ATP6AP2: variants seen among roughly 807,000 people sequenced by gnomAD.
ATP6AP2 encodes ATPase H+ transporting accessory protein 2.
In ATP6AP2, 1 loss-of-function variant was observed where a neutral mutation model predicts 23.4. That is an observed-to-expected ratio of 0.04 (90% CI 0.02 to 0.20). ATP6AP2 has a LOEUF of 0.20. ATP6AP2 is among the 10% of genes least tolerant of loss of function. The pLI, the probability that ATP6AP2 is intolerant of heterozygous loss-of-function variation, is 1.00. For missense variants in ATP6AP2, 174 were observed against 271.3 expected (o/e 0.64, Z 2.52); for synonymous variants, 90 against 97.1 (o/e 0.93, Z 0.43).
In ATP6AP2 at chrX:40,597,629, T is replaced by C; in HGVS notation, c.499T>C (p.Ser167Pro). 1 of 1,209,173 alleles carries C rather than the reference T, an allele frequency of 8.3e-7. No individual in the cohort carries two copies. The highest frequency in any genetic ancestry group is 1.1e-6 in the Non-Finnish European group (1 of 893,028). ...RLFQENSVLSSLPLNSLSRNN... is the reference protein window; with the variant it reads ...RLFQENSVLSPLPLNSLSRNN... ...GTTTCAAGAAAACTCTGTTCTCAGTTCACTCCCCCTCAATTCTCTGAGTAG... is the reference window on the plus strand; with the variant it reads ...GTTTCAAGAAAACTCTGTTCTCAGTCCACTCCCCCTCAATTCTCTGAGTAG... The change falls in exon 5 of 9, where the codon TCA (serine) becomes CCA (proline). Residue 167 changes from serine to proline, a missense_variant. By Grantham distance (74) the Ser-to-Pro change is moderately conservative. Transcript: ENST00000636580.
At chrX:40,601,741 G>T (rs1926912120) in intron 8 of ATP6AP2, among the ~76,000 whole-genome samples, 1 of 111,843 alleles carries the variant, frequency 8.9e-6, no homozygotes, top group Non-Finnish European at 1.9e-5. Flanking sequence ...CTCCGCTTCA[G>T]ACCCATTTGC....
chrX:40,584,527 C>T (rs1422220449), intron 1 of ATP6AP2, among the ~76,000 whole-genome samples: 1 of 110,797 alleles, frequency 9.0e-6, no homozygotes, highest in Admixed American at 9.6e-5. Context: ...GTTGCCCAGG[C>T]TGGAATGCAA....
Position 40,606,124 on chromosome X carries a change from C to A in ATP6AP2, c.*369C>A. On this transcript the variant is annotated 3_prime_UTR_variant, in exon 9 of 9. Transcript: ENST00000636580. ...AGACAAACTTACGAATGCTTAACTT[C>A]TTTACACAGCATAGGTGAAAATCAT... 2 of 187,753 alleles carry A rather than the reference C, an allele frequency of 1.1e-5. No individual in the cohort carries two copies. The highest frequency in any genetic ancestry group is 1.0e-4 in the South Asian group (1 of 9,692). 15.5% of individuals were successfully genotyped at this position (187,753 alleles called of 1,213,427 possible). A position where few individuals can be genotyped will look rare whatever the true frequency, so the allele number is the denominator to read the frequency against.
chrX:40,596,813 T>A (rs1426046935), intron 3 of ATP6AP2: 1 of 122,136 alleles, frequency 8.2e-6, no homozygotes, highest in African/African-American at 3.2e-5. Context: ...AATTTTGAAA[T>A]GAAAGATGAA....
intron 2 of ATP6AP2, 176 bp downstream of exon 2, chrX:40,589,292 G>A: frequency 1.9e-6 from 1 of 528,925 alleles, no homozygotes; most frequent in Non-Finnish European, 2.9e-6. Context: ...CGGCACTCTG[G>A]GAGGCCGAGG....
intron 2 of ATP6AP2, 158 bp downstream of exon 2, chrX:40,589,274 T>G: frequency 1.6e-6 from 1 of 633,301 alleles, no homozygotes. Flanking sequence ...GGCTCACGCC[T>G]GTAATCCCGG....
At chrX:40,605,513 A>G (rs1927051176) in intron 8 of ATP6AP2, 48 bp from the exon 9 acceptor site, 4 of 1,052,401 alleles carry the variant, frequency 3.8e-6, no homozygotes, top group Admixed American at 2.2e-5. Context: ...ATAATTTCCT[A>G]TTTTAAAATT....
intron 3 of ATP6AP2, among the ~76,000 whole-genome samples, chrX:40,596,255 G>A (rs990705427): frequency 2.7e-5 from 3 of 111,291 alleles, no homozygotes; most frequent in African/African-American, 9.8e-5. Flanking sequence ...TCATATTAGC[G>A]TTACTTTGCT....
At chrX:40,590,654 C>G (rs909986150) in intron 2 of ATP6AP2, 1 of 114,616 alleles carries the variant, frequency 8.7e-6, no homozygotes, top group African/African-American at 3.2e-5. Flanking sequence ...GCTGAGATGA[C>G]AGGCGTGAAC....
rs966008742 is a variant in ATP6AP2 at position 40,591,754 on chromosome X, G to C, written c.300+389G>C. 1.0e-4 allele frequency: 21 copies of C among 202,587 alleles called. No individual in the cohort carries two copies. The East Asian group carries it at 2.7e-3, about 26-fold the overall frequency. The allele number at this position is 202,587 out of a possible 1,213,427, so 16.7% of individuals were successfully genotyped here. On this transcript the variant is annotated intron_variant, in intron 3 of 8. Coordinates refer to ENST00000636580, the MANE Select transcript of ATP6AP2 (RefSeq NM_005765.3). The stretch of plus-strand genomic sequence containing the variant: ...TTCGTGTGTAAGGACACTGGAGGCT[G>C]CTTGCTGGCTCACTTACTCCTTCAC...
rs760757098 is a variant in ATP6AP2, at chrX:40,601,311, A to G, written c.858+430A>G. On this transcript the variant is annotated intron_variant, in intron 8 of 8. Coordinates refer to ENST00000636580, the MANE Select transcript of ATP6AP2 (RefSeq NM_005765.3). ...AGCAAGACCCTGTTTTGAAAACAAA[A>G]AGAAGTGAATGTGTGCGGGAGTGGT... is the stretch of plus-strand genomic sequence containing the variant. Among the ~76,000 whole-genome samples, 3 of 110,999 alleles carry G rather than the reference A, an allele frequency of 2.7e-5. No individual in the cohort carries two copies. The South Asian group carries it at 1.2e-3, about 43-fold the overall frequency.
At chrX:40,591,794 A>C in intron 3 of ATP6AP2, 1 of 199,202 alleles carries the variant, frequency 5.0e-6, no homozygotes, top group Non-Finnish European at 9.3e-6. Context: ...TATTCAGGCA[A>C]TGTGGGTGAC....
chrX:40,599,767 T>C (rs762340664), intron 7 of ATP6AP2, 26 bp downstream of exon 7: 4 of 1,207,316 alleles, frequency 3.3e-6, no homozygotes, highest in African/African-American at 3.5e-5. Flanking sequence ...ACATGAGAGG[T>C]TGGAGTATGA....
chrX:40,601,163 A>C (rs1926895260), intron 8 of ATP6AP2, among the ~76,000 whole-genome samples: 2 of 111,811 alleles, frequency 1.8e-5, no homozygotes, highest in Admixed American at 1.9e-4. Context: ...ACACAAGGAG[A>C]TATCAGAAGT....
At position 40,598,745 on chromosome X, in the gene ATP6AP2, T is replaced by C. The variant is rs1240182299; in HGVS notation, c.588+11T>C. The C allele has an allele frequency of 8.3e-7, 1 of 1,202,541 alleles. No homozygotes were observed. The highest frequency in any genetic ancestry group is 1.1e-6 in the Non-Finnish European group (1 of 888,140). On this transcript the variant is annotated intron_variant, in intron 6 of 8. Coordinates refer to ENST00000636580, the MANE Select transcript of ATP6AP2 (RefSeq NM_005765.3). Reference sequence around the variant, plus strand: ...GATATTTCAAGCTTGGTAAGTAGGCTGCTCTAATTTTTTAATTCCATTTAT... The same window carrying C: ...GATATTTCAAGCTTGGTAAGTAGGCCGCTCTAATTTTTTAATTCCATTTAT...
At chrX:40,596,590 C>T (rs1247963615) in intron 3 of ATP6AP2, among the ~76,000 whole-genome samples, 2 of 110,187 alleles carry the variant, frequency 1.8e-5, no homozygotes, top group African/African-American at 6.6e-5. Flanking sequence ...AGCTGTTACC[C>T]CAAGATTTGT....
At chrX:40,592,119 A>C (rs887909058) in intron 3 of ATP6AP2, 9 of 113,360 alleles carry the variant, frequency 7.9e-5, no homozygotes, top group African/African-American at 2.3e-4. Context: ...ATAAATTAGA[A>C]TTAGAATTAT....
intron 3 of ATP6AP2, among the ~76,000 whole-genome samples, chrX:40,594,038 G>A (rs929971151): frequency 9.0e-6 from 1 of 110,834 alleles, no homozygotes; most frequent in African/African-American, 3.3e-5. Context: ...ATAATGCATT[G>A]TGTATTTCAA....
rs1018635500 is a variant in ATP6AP2, at chrX:40,599,445, A to G, written c.589-147A>G. The G allele has an allele frequency of 7.7e-5, 52 of 676,742 alleles. No individual in the cohort carries two copies. In the African/African-American group the frequency reaches 1.1e-3, roughly 14 times the overall value. 55.8% of individuals were successfully genotyped at this position (676,742 alleles called of 1,213,427 possible). On this transcript the variant is annotated intron_variant, in intron 6 of 8. Coordinates refer to ENST00000636580, the MANE Select transcript of ATP6AP2 (RefSeq NM_005765.3). ...CTTATTCAAACCAGTTTCTTTTGCC[A>G]CCATTTTAGACTATTTGCATGTTGT...
Sources: allele counts gnomAD v4.1 joint callset (sites outside exome capture counted in the v4.1 genomes callset), GRCh38; gene constraint gnomAD v4.1.1; transcripts MANE v1.5; gene names NCBI Gene and HGNC (gene_info 2026-07-23, HGNC 2026-07-21).